CREG2: variants seen among roughly 807,000 people sequenced by gnomAD.
CREG2 encodes the protein protein CREG2.
Under a neutral mutation model 26.2 loss-of-function variants are expected in CREG2, and 24 were observed. The observed-to-expected ratio is 0.92, with a 90% CI of 0.66 to 1.29. The LOEUF (loss-of-function observed/expected upper bound fraction) is 1.29, where lower values mean the gene tolerates loss of function less well. Ranked by LOEUF, CREG2 falls within the 50% of genes most tolerant of loss-of-function variation. The pLI is 0.00. For missense variants in CREG2, 366 were observed against 398.6 expected, an observed-to-expected ratio of 0.92 and a Z score of 0.70; for synonymous variants, 174 against 169.2, an observed-to-expected ratio of 1.03 and a Z score of -0.22.
intron 2 of CREG2, among the ~76,000 whole-genome samples, chr2:101,379,283 G>A (rs1684835634): frequency 6.6e-6 from 1 of 152,160 alleles, no homozygotes; most frequent in South Asian, 2.1e-4. Flanking sequence ...CTAACTAGGT[G>A]GGATGAACTA....
chr2:101,380,318 A>G (rs1274220336), intron 2 of CREG2, among the ~76,000 whole-genome samples: 1 of 152,134 alleles, frequency 6.6e-6, no homozygotes, highest in Non-Finnish European at 1.5e-5. Flanking sequence ...CTTGGTGGAG[A>G]TGGCGCTCAC....
At chr2:101,371,246 G>A (rs968160951) in intron 2 of CREG2, among the ~76,000 whole-genome samples, 6 of 152,086 alleles carry the variant, frequency 3.9e-5, no homozygotes, top group African/African-American at 9.7e-5. Flanking sequence ...TCTAATATGC[G>A]ACACATGCTA....
At chr2:101,383,750 C>G in intron 1 of CREG2, 48 bp from the exon 2 acceptor site, 1 of 1,515,414 alleles carries the variant, frequency 6.6e-7, no homozygotes, top group Non-Finnish European at 8.9e-7. Flanking sequence ...TGTGGCTCGA[C>G]TTGATCTGGG....
At chr2:101,366,726 G>A (rs1182385109) in intron 2 of CREG2, among the ~76,000 whole-genome samples, 1 of 152,140 alleles carries the variant, frequency 6.6e-6, no homozygotes, top group African/African-American at 2.4e-5. Context: ...GGAGGATGAG[G>A]CAGGAGAATC....
chr2:101,363,275 T>G (rs1558816216), intron 2 of CREG2, among the ~76,000 whole-genome samples: 1 of 152,138 alleles, frequency 6.6e-6, no homozygotes, highest in Non-Finnish European at 1.5e-5. Flanking sequence ...CGGAGTGGAT[T>G]ACATGGACCT....
intron 1 of CREG2, among the ~76,000 whole-genome samples, chr2:101,386,157 T>C (rs946863676): frequency 6.6e-6 from 1 of 152,240 alleles, no homozygotes; most frequent in Admixed American, 6.5e-5. Context: ...CCTAATTTTA[T>C]AGACGAGGAA....
intron 2 of CREG2, among the ~76,000 whole-genome samples, chr2:101,360,223 C>A (rs552173314): frequency 6.6e-6 from 1 of 152,150 alleles, no homozygotes; most frequent in Non-Finnish European, 1.5e-5. Flanking sequence ...CACCTACCTG[C>A]CTCTCTTCCT....
At chr2:101,368,558 A>G (rs1011590388) in intron 2 of CREG2, among the ~76,000 whole-genome samples, 1 of 152,208 alleles carries the variant, frequency 6.6e-6, no homozygotes, top group East Asian at 1.9e-4. Context: ...CAGACACCAG[A>G]CGGCTTGCCA....
chr2:101,386,856 C>G (rs1021306860), intron 1 of CREG2, among the ~76,000 whole-genome samples, 161 bp downstream of exon 1: 2 of 152,198 alleles, frequency 1.3e-5, no homozygotes, highest in African/African-American at 4.8e-5. Context: ...GAGGCACCAT[C>G]GCCTTCCATT....
intron 2 of CREG2, among the ~76,000 whole-genome samples, chr2:101,365,910 C>A (rs949503191): frequency 2.0e-5 from 3 of 152,176 alleles, no homozygotes; most frequent in African/African-American, 7.2e-5. Flanking sequence ...TACCAGTAGA[C>A]CCTTTTGGTC....
chr2:101,371,197 T>TATAAC (rs1573311356), intron 2 of CREG2, among the ~76,000 whole-genome samples: 2 of 152,136 alleles, frequency 1.3e-5, no homozygotes, highest in East Asian at 3.9e-4. Flanking sequence ...GCCTTTTTTC[T>TATAAC]TTTTCTGCAT....
At chr2:101,359,945 G>A (rs1377084148) in intron 2 of CREG2, among the ~76,000 whole-genome samples, 1 of 152,136 alleles carries the variant, frequency 6.6e-6, no homozygotes, top group African/African-American at 2.4e-5. Context: ...GCAACTTTAG[G>A]TCTGCAATCT....
chr2:101,374,744 A>G (rs760676807), intron 2 of CREG2, among the ~76,000 whole-genome samples: 3 of 152,370 alleles, frequency 2.0e-5, no homozygotes, highest in Middle Eastern at 3.4e-3. Context: ...AGGGGAACAA[A>G]TCCCAGGCCT....
At chr2:101,379,954 T>G (rs1405263822) in intron 2 of CREG2, among the ~76,000 whole-genome samples, 2 of 151,316 alleles carry the variant, frequency 1.3e-5, no homozygotes, top group Non-Finnish European at 2.9e-5. Context: ...AGAGAAGAGT[T>G]GAATGTGTGA....
intron 2 of CREG2, chr2:101,375,919 G>A (rs2104482250): frequency 1.2e-5 from 2 of 161,238 alleles, no homozygotes; most frequent in South Asian, 3.4e-4. Flanking sequence ...GTTACTGACT[G>A]TGTTCAAGGG....
chr2:101,385,429 C>A (rs1159249751), intron 1 of CREG2, among the ~76,000 whole-genome samples: 1 of 152,154 alleles, frequency 6.6e-6, no homozygotes, highest in Non-Finnish European at 1.5e-5. Flanking sequence ...GATCTGCCCG[C>A]CTCGGCCTCC....
chr2:101,366,140 T>A (rs1368741906), intron 2 of CREG2, among the ~76,000 whole-genome samples: 1 of 152,044 alleles, frequency 6.6e-6, no homozygotes, highest in Non-Finnish European at 1.5e-5. Flanking sequence ...AAGAAAAGGA[T>A]GGTCTTTTGA....
chr2:101,387,427 GCGCCGGC>G lies in CREG2; in HGVS notation c.24_30del (p.Pro9GlyfsTer23). ...AGCCAGGAGAGGCGGGTCCCCGGCCGCGCCGGCCGCCGGCCGCGGCGCACGGACATCT... is the reference window on the plus strand; with the variant it reads ...AGCCAGGAGAGGCGGGTCCCCGGCCGCGCCGGCCGCGGCGCACGGACATCT... On this transcript the variant is annotated frameshift_variant, in exon 1 of 4. Coordinates refer to ENST00000324768, the MANE Select transcript of CREG2 (RefSeq NM_153836.4). LOFTEE classifies it high-confidence loss of function. This position sits in a 1 kb window ranked among gnomAD's most constrained non-coding sequence, Gnocchi z 4.7. 2 of 1,226,850 alleles carry G rather than the reference GCGCCGGC, an allele frequency of 1.6e-6. No individual in the cohort carries two copies. The highest frequency in any genetic ancestry group is 2.0e-6 in the Non-Finnish European group (2 of 977,826). The allele number at this position is 1,226,850 out of a possible 1,614,324, so 76.0% of individuals were successfully genotyped here.
In CREG2 at chr2:101,387,189, C is replaced by G; in HGVS notation, c.269G>C (p.Gly90Ala). ...KEDAHLRPRA[G>A]AARARPPPAP... ...GGGGGGCGGCCTGGCCCGGGCGGCG[C>G]CCGCCCGGGGCCGCAGGTGCGCGTC... Residue 90 changes from glycine to alanine, a missense_variant, in exon 1 of 4, where the codon GGC (glycine) becomes GCC (alanine). Gly to Ala is a moderately conservative substitution (Grantham distance 60, BLOSUM62 0). Around this residue, in one of 3 missense-constraint regions of CREG2, gnomAD observed 177 missense variants for 183.3 expected, o/e 0.97. Transcript: ENST00000324768. This position sits in a 1 kb window ranked among gnomAD's most constrained non-coding sequence, Gnocchi z 4.7. The G allele has an allele frequency of 7.4e-7, 1 of 1,346,080 alleles. No homozygotes were observed. The highest frequency in any genetic ancestry group is 9.6e-7 in the Non-Finnish European group (1 of 1,038,038). 83.4% of individuals were successfully genotyped at this position (1,346,080 alleles called of 1,614,324 possible). A position where few individuals can be genotyped will look rare whatever the true frequency, so the allele number is the denominator to read the frequency against.
Sources: allele counts gnomAD v4.1 joint callset (sites outside exome capture counted in the v4.1 genomes callset), GRCh38; gene constraint gnomAD v4.1.1; regional missense constraint gnomAD v4.1.1; non-coding constraint Gnocchi (gnomAD v3.1); transcripts MANE v1.5; gene names NCBI Gene and HGNC (gene_info 2026-07-23, HGNC 2026-07-21).